COL19A1: variants seen among roughly 807,000 people sequenced by gnomAD.
COL19A1 encodes collagen alpha-1(XIX) chain.
COL19A1 carries 159 observed loss-of-function variants against 190.2 expected under a neutral mutation model. The observed-to-expected ratio is 0.84, with a 90% CI of 0.73 to 0.95. COL19A1 has a LOEUF of 0.95. COL19A1 is among the 40% of genes least tolerant of loss of function. COL19A1 has a pLI of 0.00. For synonymous variants in COL19A1, 509 were observed against 458.9 expected (o/e 1.11, Z -1.39); for missense variants, 1,418 against 1,431.9 (o/e 0.99, Z 0.16).
chr6:70,197,895 A>G (rs999030859), intron 48 of COL19A1, among the ~76,000 whole-genome samples: 6 of 152,222 alleles, frequency 3.9e-5, no homozygotes, highest in African/African-American at 1.4e-4. Context: ...CTAATGCTCT[A>G]TAGCTATTGG....
At chr6:70,150,531 C>A (rs1002992849) in intron 30 of COL19A1, among the ~76,000 whole-genome samples, 3 of 152,060 alleles carry the variant, frequency 2.0e-5, no homozygotes, top group African/African-American at 7.2e-5. Context: ...ATGTGTGTTT[C>A]AAAGTTTTAT....
At chr6:69,921,458 T>TC (rs1561998415) in intron 4 of COL19A1, among the ~76,000 whole-genome samples, 2 of 28,122 alleles carry the variant, frequency 7.1e-5, no homozygotes, top group Non-Finnish European at 1.6e-4. Context: ...ATATCATATA[T>TC]ATCATATATA....
rs945592110 is a variant in COL19A1 at position 70,208,123 on chromosome 6, G to A, written c.*849G>A. ...TGTTTTCCCTACAAGGTGCTTGGTG[G>A]TGAAGCCACCAAGCTGTCTTTGGTA... is the stretch of plus-strand genomic sequence containing the variant. On this transcript the variant is annotated 3_prime_UTR_variant, in exon 51 of 51. Transcript: ENST00000620364. 1.3e-5 allele frequency: 2 copies of A among 152,170 alleles called. No homozygotes were observed. Among genetic ancestry groups the A allele is most frequent in the Non-Finnish European group, 1.5e-5 (1 of 68,010 alleles). The allele number at this position is 152,170 out of a possible 1,614,324, so 9.4% of individuals were successfully genotyped here. A position where few individuals can be genotyped will look rare whatever the true frequency, so the allele number is the denominator to read the frequency against.
rs562759077 is a variant in COL19A1, at chr6:69,913,564, G to A, written c.266+13226G>A. Among the ~76,000 whole-genome samples, 251 of 152,332 alleles carry A rather than the reference G, an allele frequency of 1.6e-3. 1 individual carries two copies. The highest frequency in any genetic ancestry group is 5.9e-3 in the African/African-American group (246 of 41,582). ...CAGGTGAGCCAAGGGGTCAATGTAT[G>A]TTGTGGTAGTTAGAGGGAGCATCAT... On this transcript the variant is annotated intron_variant, in intron 4 of 50. Coordinates refer to ENST00000620364, the MANE Select transcript of COL19A1 (RefSeq NM_001858.6).
Position 69,929,800 on chromosome 6 carries a change from C to A in COL19A1, c.666+100C>A, listed in dbSNP as rs138100741. On this transcript the variant is annotated intron_variant, in intron 6 of 50. Coordinates refer to ENST00000620364, the MANE Select transcript of COL19A1 (RefSeq NM_001858.6). ...CTTTTATTACTGTGTAATAGATTCC[C>A]TTCTCATCAATTTTATTAATTTAAT... 8,371 of 1,086,504 alleles carry A rather than the reference C, an allele frequency of 7.7e-3. 36 individuals are homozygous for A. Among genetic ancestry groups the A allele is most frequent in the Non-Finnish European group, 9.3e-3 (7,251 of 777,132 alleles). 67.3% of individuals were successfully genotyped at this position (1,086,504 alleles called of 1,614,324 possible). A position where few individuals can be genotyped will look rare whatever the true frequency, so the allele number is the denominator to read the frequency against.
At chr6:69,888,300 C>T (rs550964185) in intron 2 of COL19A1, among the ~76,000 whole-genome samples, 8 of 152,202 alleles carry the variant, frequency 5.3e-5, no homozygotes, top group African/African-American at 1.9e-4. Flanking sequence ...GAGACGGAGG[C>T]CAAACACCCA....
chr6:70,057,954 T>A (rs1216977221), intron 14 of COL19A1, among the ~76,000 whole-genome samples: 1 of 152,054 alleles, frequency 6.6e-6, no homozygotes, highest in Non-Finnish European at 1.5e-5. Flanking sequence ...GTATGGAAAG[T>A]GAGGACATAC....
chr6:69,982,754 C>T (rs1479966156), intron 11 of COL19A1, among the ~76,000 whole-genome samples: 2 of 150,498 alleles, frequency 1.3e-5, no homozygotes, highest in African/African-American at 2.4e-5. Flanking sequence ...GGGCAGATCA[C>T]GACGTCAGGA....
chr6:70,160,997 AC>A (rs2150258566), intron 34 of COL19A1, among the ~76,000 whole-genome samples: 1 of 152,322 alleles, frequency 6.6e-6, no homozygotes, highest in Admixed American at 6.5e-5. Flanking sequence ...TATCAAAGTA[AC>A]AAAACTAATT....
intron 15 of COL19A1, among the ~76,000 whole-genome samples, chr6:70,088,799 C>T (rs945161508): frequency 3.3e-5 from 5 of 152,108 alleles, no homozygotes; most frequent in African/African-American, 1.2e-4. Flanking sequence ...ATAATAAACA[C>T]TTAATAAATA....
At chr6:70,141,760 T>G in intron 20 of COL19A1, 133 bp from the exon 21 acceptor site, 1 of 630,584 alleles carries the variant, frequency 1.6e-6, no homozygotes. Flanking sequence ...TGAACTCTCC[T>G]TGATTTTATT....
chr6:69,921,252 A>G (rs1582402040), intron 4 of COL19A1, among the ~76,000 whole-genome samples: 1 of 130,546 alleles, frequency 7.7e-6, no homozygotes, highest in East Asian at 2.1e-4. Flanking sequence ...TATATGTCAT[A>G]TATCATATCA....
chr6:70,100,408 T>C lies in COL19A1; in HGVS notation c.1225-1761T>C, dbSNP rs573884475. ...ACATGTGTATAACTTGTTTTAAGTA[T>C]AGAGAATATTAAATTATATGTTCAT... On this transcript the variant is annotated intron_variant, in intron 15 of 50. Coordinates refer to ENST00000620364, the MANE Select transcript of COL19A1 (RefSeq NM_001858.6). 1.2e-4 allele frequency among the ~76,000 whole-genome samples: 18 copies of C among 152,272 alleles called. 1 individual carries two copies. In the South Asian group the frequency reaches 2.5e-3, roughly 21 times the overall value.
At chr6:70,183,988 T>C (rs925582050) in intron 44 of COL19A1, among the ~76,000 whole-genome samples, 3 of 152,226 alleles carry the variant, frequency 2.0e-5, no homozygotes, top group Non-Finnish European at 4.4e-5. Flanking sequence ...TCTCTCAGTC[T>C]TATAAATCTT....
At chr6:70,128,386 A>G (rs1785326939) in intron 17 of COL19A1, among the ~76,000 whole-genome samples, 1 of 152,166 alleles carries the variant, frequency 6.6e-6, no homozygotes, top group South Asian at 2.1e-4. Context: ...AGGAAATCCA[A>G]CCTCTAACAG....
At chr6:69,911,887 C>A (rs1017500094) in intron 4 of COL19A1, among the ~76,000 whole-genome samples, 2 of 152,190 alleles carry the variant, frequency 1.3e-5, no homozygotes, top group African/African-American at 4.8e-5. Flanking sequence ...TTTCCCTGGG[C>A]AGTCCCCTTT....
chr6:70,045,312 CAAAAAAAA>C (rs34047162), intron 14 of COL19A1, among the ~76,000 whole-genome samples: 3 of 68,958 alleles, frequency 4.4e-5, no homozygotes, highest in Non-Finnish European at 9.4e-5. Flanking sequence ...GACTCTGTCT[CAAAAAAAA>C]AAAAAAAAAA....
chr6:70,139,767 G>A (rs1786119253), intron 19 of COL19A1, among the ~76,000 whole-genome samples: 1 of 151,966 alleles, frequency 6.6e-6, no homozygotes, highest in Non-Finnish European at 1.5e-5. Flanking sequence ...TAACACATCA[G>A]AGCTAAAATA....
chr6:70,025,358 C>T (rs189699144), intron 12 of COL19A1, among the ~76,000 whole-genome samples: 6 of 152,276 alleles, frequency 3.9e-5, no homozygotes, highest in Non-Finnish European at 5.9e-5. Context: ...AAGCCCCTAT[C>T]GCTATTATGT....
Sources: gnomAD v4.1 joint callset for allele counts (sites outside exome capture counted in the v4.1 genomes callset) on GRCh38, gnomAD v4.1.1 for gene constraint, MANE v1.5 for transcripts, NCBI Gene and HGNC (gene_info 2026-07-23, HGNC 2026-07-21) for gene names.